The following TPM4 variants were observed in gnomAD, a reference collection of about 807,000 sequenced individuals.
TPM4 encodes the protein tropomyosin 4.
In TPM4, 17 loss-of-function variants were observed where a neutral mutation model predicts 35.8. The observed-to-expected ratio is 0.47, with a 90% CI of 0.32 to 0.71. TPM4 has a LOEUF of 0.71. TPM4 is among the 30% of genes least tolerant of loss of function. The pLI is 0.03. For missense variants in TPM4, 240 were observed against 320.9 expected (o/e 0.75, Z 1.93); for synonymous variants, 120 against 122.9 (o/e 0.98, Z 0.15).
chr19:16,091,130 G>A (rs1387821832), intron 5 of TPM4, among the ~76,000 whole-genome samples: 1 of 152,138 alleles, frequency 6.6e-6, no homozygotes, highest in African/African-American at 2.4e-5. Context: ...TCAGCTCACT[G>A]CAACCTCCAC....
At chr19:16,085,591 G>A (rs548451907) in intron 2 of TPM4, among the ~76,000 whole-genome samples, 2 of 152,068 alleles carry the variant, frequency 1.3e-5, no homozygotes, top group African/African-American at 4.8e-5. Context: ...AAGAAAGGGG[G>A]CACAGACTCT....
chr19:16,079,406 TAGG>T (rs1005212053), intron 1 of TPM4, among the ~76,000 whole-genome samples: 5 of 152,142 alleles, frequency 3.3e-5, no homozygotes, highest in African/African-American at 1.2e-4. Flanking sequence ...CTGAAGGTGG[TAGG>T]AGGAGTTAAG....
Position 16,070,296 on chromosome 19 carries a change from G to C in TPM4, c.114+2558G>C, listed in dbSNP as rs1373643970. On this transcript the variant is annotated intron_variant, in intron 2 of 2. Transcript: ENST00000589897. The surrounding 1 kb of genome is among the most constrained non-coding windows in gnomAD (Gnocchi z 7.4). Reference sequence around the variant, plus strand: ...TTGGAGTTCCAAGGCCGTGGCCATGGTTTGGGGCAGAGCAGACAGGAGCAG... The same window carrying C: ...TTGGAGTTCCAAGGCCGTGGCCATGCTTTGGGGCAGAGCAGACAGGAGCAG... Among the ~76,000 whole-genome samples, 1 of 152,178 alleles carries C rather than the reference G, an allele frequency of 6.6e-6. No homozygotes were observed. The highest frequency in any genetic ancestry group is 1.5e-5 in the Non-Finnish European group (1 of 68,020).
chr19:16,076,499 A>C lies in TPM4; in HGVS notation c.-67A>C, dbSNP rs2090407507. ...TTGGGGGGCCGGGGCGCGGCTGTGC[A>C]GCTCTCGCCGGAGCCGAGCCCAGCC... On this transcript the variant is annotated 5_prime_UTR_variant, in exon 1 of 8. Coordinates refer to ENST00000643579, the MANE Select transcript of TPM4 (RefSeq NM_003290.3). The C allele has an allele frequency of 1.5e-6, 2 of 1,349,478 alleles. No individual in the cohort carries two copies. The highest frequency in any genetic ancestry group is 4.0e-5 in the Admixed American group (1 of 24,850). 83.6% of individuals were successfully genotyped at this position (1,349,478 alleles called of 1,614,324 possible). A position where few individuals can be genotyped will look rare whatever the true frequency, so the allele number is the denominator to read the frequency against.
chr19:16,083,400 C>T (rs987943074), intron 2 of TPM4, among the ~76,000 whole-genome samples: 3 of 151,828 alleles, frequency 2.0e-5, no homozygotes, highest in African/African-American at 4.8e-5. Context: ...GAGCCAAGAT[C>T]GCACCACTGC....
intron 7 of TPM4, among the ~76,000 whole-genome samples, chr19:16,097,389 C>T (rs2090714559): frequency 6.6e-6 from 1 of 152,144 alleles, no homozygotes; most frequent in Admixed American, 6.6e-5. Context: ...ATTCTCCTGC[C>T]TCAGCCTCCC....
upstream of TPM4, chr19:16,075,824 C>T (rs1202673853): frequency 1.5e-6 from 1 of 645,248 alleles, no homozygotes; most frequent in African/African-American, 1.8e-5. Flanking sequence ...CCAATAAGCC[C>T]AAAACAGCTG....
intron 7 of TPM4, chr19:16,100,549 G>T (rs1335412895): frequency 6.6e-6 from 1 of 152,222 alleles, no homozygotes; most frequent in Non-Finnish European, 1.5e-5. Context: ...AGGCATGGTG[G>T]CTATAACCCA....
chr19:16,091,280 G>A (rs1325691794), intron 5 of TPM4, among the ~76,000 whole-genome samples: 5 of 152,072 alleles, frequency 3.3e-5, no homozygotes, highest in African/African-American at 9.7e-5. Flanking sequence ...TCAAACTCCT[G>A]ACCTCAAGTG....
intron 2 of TPM4, among the ~76,000 whole-genome samples, chr19:16,068,570 G>C (rs550100390): frequency 1.1e-3 from 169 of 152,290 alleles, no homozygotes; most frequent in African/African-American, 3.8e-3. Context: ...TTGTGTCTGT[G>C]TGTACATGTA....
chr19:16,097,196 C>G (rs148479858), intron 7 of TPM4, among the ~76,000 whole-genome samples: 1 of 151,824 alleles, frequency 6.6e-6, no homozygotes, highest in African/African-American at 2.4e-5. Context: ...TCAACTGATC[C>G]GCCCACCTCA....
At chr19:16,069,191 A>G (rs1342663776) in intron 2 of TPM4, among the ~76,000 whole-genome samples, 3 of 151,920 alleles carry the variant, frequency 2.0e-5, no homozygotes, top group Non-Finnish European at 2.9e-5. Flanking sequence ...TGTTGTGTGT[A>G]TTGGTGACTG....
chr19:16,068,572 GTACATGTA>G (rs1399250314), intron 2 of TPM4, among the ~76,000 whole-genome samples: 8 of 152,152 alleles, frequency 5.3e-5, no homozygotes, highest in Non-Finnish European at 1.0e-4. Context: ...GTGTCTGTGT[GTACATGTA>G]TTGTGTATGT....
chr19:16,089,251 C>A (rs1028271691), intron 5 of TPM4, 131 bp downstream of exon 5: 5 of 1,197,654 alleles, frequency 4.2e-6, no homozygotes, highest in Non-Finnish European at 4.7e-6. Flanking sequence ...GCCTGGCAGC[C>A]AGGGTTTTTC....
intron 7 of TPM4, among the ~76,000 whole-genome samples, chr19:16,097,250 G>A (rs57089145): frequency 3.3e-5 from 5 of 151,218 alleles, no homozygotes; most frequent in East Asian, 1.9e-4. Flanking sequence ...CACTTTGCCC[G>A]GCCCAGGCTA....
intron 2 of TPM4, among the ~76,000 whole-genome samples, chr19:16,086,160 A>G (rs1046896482): frequency 6.6e-6 from 1 of 151,574 alleles, no homozygotes; most frequent in African/African-American, 2.4e-5. Context: ...TCAGAGACTC[A>G]TTTAGATGAG....
intron 3 of TPM4, 129 bp downstream of exon 3, chr19:16,086,669 T>G: frequency 1.4e-6 from 1 of 725,488 alleles, no homozygotes; most frequent in Non-Finnish European, 2.3e-6. Flanking sequence ...CGTGAACATA[T>G]GTTTGTCCAG....
intron 5 of TPM4, among the ~76,000 whole-genome samples, chr19:16,091,453 G>A (rs1171144642): frequency 2.6e-5 from 4 of 152,176 alleles, no homozygotes; most frequent in African/African-American, 7.2e-5. Context: ...GGTAGGTTGT[G>A]AACGGTGTCA....
In TPM4 at chr19:16,101,188, A is replaced by T. The variant is rs577879743; in HGVS notation, c.665-76A>T. On this transcript the variant is annotated intron_variant, in intron 7 of 7. Coordinates refer to ENST00000643579, the MANE Select transcript of TPM4 (RefSeq NM_003290.3). ...CCTGTCTCAAGAAGAAGAAAAAAAA[A>T]CAAATCTTTTTTTTTCTTTCATTTA... 107 of 1,283,180 alleles carry T rather than the reference A, an allele frequency of 8.3e-5. No homozygotes were observed. In the South Asian group the frequency reaches 1.4e-3, roughly 17 times the overall value. The allele number at this position is 1,283,180 out of a possible 1,614,324, so 79.5% of individuals were successfully genotyped here.
Sources: gnomAD v4.1 joint callset for allele counts (sites outside exome capture counted in the v4.1 genomes callset) on GRCh38, gnomAD v4.1.1 for gene constraint, Gnocchi (gnomAD v3.1) non-coding constraint, MANE v1.5 for transcripts, NCBI Gene and HGNC (gene_info 2026-07-23, HGNC 2026-07-21) for gene names.